PDS5B: variants seen among roughly 807,000 people sequenced by gnomAD.
The protein encoded by PDS5B is sister chromatid cohesion protein PDS5 homolog B.
A neutral mutation model predicts 184.1 loss-of-function variants in PDS5B; 51 were observed. The observed-to-expected ratio is 0.28, with a 90% CI of 0.22 to 0.35. The LOEUF (loss-of-function observed/expected upper bound fraction) is 0.35. Among genes scored for constraint, PDS5B ranks in the 10% least tolerant of loss-of-function variants. PDS5B has a pLI of 1.00. For missense variants in PDS5B, 1,180 were observed against 1,723.3 expected (o/e 0.68, Z 5.58); for synonymous variants, 566 against 569.2 (o/e 0.99, Z 0.08).
intron 1 of PDS5B, among the ~76,000 whole-genome samples, chr13:32,587,720 C>T (rs1036809942): frequency 1.3e-5 from 2 of 152,226 alleles, no homozygotes; most frequent in African/African-American, 4.8e-5. Flanking sequence ...CTCTCTCCCC[C>T]AGCGAGGGTT....
At chr13:32,670,844 T>G (rs1950917594) in intron 7 of PDS5B, among the ~76,000 whole-genome samples, 1 of 152,212 alleles carries the variant, frequency 6.6e-6, no homozygotes, top group South Asian at 2.1e-4. Context: ...CCTGCAATGC[T>G]TGGGTGGTGG....
intron 19 of PDS5B, among the ~76,000 whole-genome samples, chr13:32,722,891 A>C (rs1174448683): frequency 1.3e-5 from 2 of 152,340 alleles, no homozygotes; most frequent in East Asian, 3.9e-4. Flanking sequence ...ACGCCTTAAG[A>C]AGCTCTAGTG....
chr13:32,617,880 T>C (rs996607812), intron 1 of PDS5B, among the ~76,000 whole-genome samples: 6 of 152,226 alleles, frequency 3.9e-5, no homozygotes, highest in Admixed American at 2.6e-4. Flanking sequence ...CCCATGGTGC[T>C]GCTATAACAA....
At chr13:32,727,122 T>C (rs2140940047) in intron 19 of PDS5B, among the ~76,000 whole-genome samples, 1 of 152,260 alleles carries the variant, frequency 6.6e-6, no homozygotes, top group East Asian at 1.9e-4. Context: ...TTTCCTCTTC[T>C]ATTCTTTATG....
intron 1 of PDS5B, among the ~76,000 whole-genome samples, chr13:32,589,195 T>TA (rs2140454288): frequency 6.6e-6 from 1 of 152,368 alleles, no homozygotes; most frequent in Non-Finnish European, 1.5e-5. Context: ...TTCATTGATT[T>TA]ATCTGAGGTC....
At chr13:32,731,262 A>G (rs1487939332) in intron 19 of PDS5B, among the ~76,000 whole-genome samples, 1 of 152,200 alleles carries the variant, frequency 6.6e-6, no homozygotes, top group East Asian at 1.9e-4. Flanking sequence ...TGAGGAAGAT[A>G]TGGAAGTTTC....
At chr13:32,594,112 A>T (rs1306791421) in intron 1 of PDS5B, among the ~76,000 whole-genome samples, 1 of 152,246 alleles carries the variant, frequency 6.6e-6, no homozygotes, top group East Asian at 1.9e-4. Flanking sequence ...GTACAATTAT[A>T]TGCTGGTTAA....
chr13:32,720,455 C>G (rs1021548847), intron 19 of PDS5B, among the ~76,000 whole-genome samples: 10 of 152,006 alleles, frequency 6.6e-5, no homozygotes, highest in East Asian at 1.9e-4. Flanking sequence ...TCATATAGTT[C>G]AGGGTTCAGT....
intron 20 of PDS5B, among the ~76,000 whole-genome samples, chr13:32,732,521 A>G (rs559993748): frequency 1.3e-4 from 20 of 152,228 alleles, no homozygotes; most frequent in African/African-American, 4.6e-4. Context: ...TCATAGTTAC[A>G]GATAGTAGGT....
chr13:32,733,646 G>A (rs1031050098), intron 20 of PDS5B, among the ~76,000 whole-genome samples: 1 of 151,976 alleles, frequency 6.6e-6, no homozygotes, highest in Admixed American at 6.6e-5. Flanking sequence ...GTTCAGTGTG[G>A]GAGAATAGAG....
chr13:32,697,491 G>C (rs954353399), intron 15 of PDS5B, among the ~76,000 whole-genome samples: 2 of 152,160 alleles, frequency 1.3e-5, no homozygotes, highest in Admixed American at 6.5e-5. Flanking sequence ...TCTTAAGATG[G>C]ATCTGAGATG....
intron 17 of PDS5B, among the ~76,000 whole-genome samples, 158 bp downstream of exon 17, chr13:32,701,596 GCACACACACACA>G (rs34184885): frequency 7.0e-6 from 1 of 142,146 alleles, no homozygotes; most frequent in Non-Finnish European, 1.5e-5. Context: ...ATTTGTATAT[GCACACACACACA>G]CACAGACACA....
chr13:32,592,127 C>A (rs149748597), intron 1 of PDS5B, among the ~76,000 whole-genome samples: 83 of 152,326 alleles, frequency 5.4e-4, no homozygotes, highest in South Asian at 2.3e-3. Context: ...TCACTTCTCC[C>A]TCCCACCTTC....
chr13:32,707,126 T>A, intron 18 of PDS5B, 87 bp downstream of exon 18: 1 of 678,334 alleles, frequency 1.5e-6, no homozygotes, highest in East Asian at 3.1e-5. Flanking sequence ...GTTTTCTTCT[T>A]AAGTTTGTAT....
chr13:32,703,139 A>G (rs1022591955), intron 17 of PDS5B, among the ~76,000 whole-genome samples: 3 of 152,164 alleles, frequency 2.0e-5, no homozygotes, highest in African/African-American at 7.2e-5. Context: ...CTTGTACATG[A>G]CAAACAATTA....
intron 19 of PDS5B, among the ~76,000 whole-genome samples, chr13:32,716,781 C>T (rs868718903): frequency 0.038 from 4,632 of 120,908 alleles, 333 homozygotes; most frequent in African/African-American, 0.13. Context: ...CCGCCCCGTC[C>T]GGGAGGGAGG....
chr13:32,714,558 G>T (rs547327408), intron 19 of PDS5B, among the ~76,000 whole-genome samples: 3 of 152,272 alleles, frequency 2.0e-5, no homozygotes, highest in Admixed American at 1.3e-4. Flanking sequence ...GCGCACCTGG[G>T]GGGGCTGTTT....
intron 30 of PDS5B, among the ~76,000 whole-genome samples, chr13:32,763,071 C>T (rs960383215): frequency 2.6e-5 from 4 of 151,946 alleles, no homozygotes; most frequent in Non-Finnish European, 5.9e-5. Flanking sequence ...TTCCAAATTC[C>T]GTCTGTTTAG....
intron 16 of PDS5B, 61 bp downstream of exon 16, chr13:32,699,930 C>A: frequency 2.8e-6 from 4 of 1,438,124 alleles, no homozygotes; most frequent in Non-Finnish European, 3.7e-6. Flanking sequence ...TTGTTTCTCT[C>A]TTTTATAAAA....
Sources: allele counts gnomAD v4.1 joint callset (sites outside exome capture counted in the v4.1 genomes callset), GRCh38; gene constraint gnomAD v4.1.1; transcripts MANE v1.5; gene names NCBI Gene and HGNC (gene_info 2026-07-23, HGNC 2026-07-21).